The following TIAM2 variants were observed in gnomAD, a reference collection of about 807,000 sequenced individuals.
The protein encoded by TIAM2 is rho guanine nucleotide exchange factor TIAM2.
Under a neutral mutation model 152.9 loss-of-function variants are expected in TIAM2, and 80 were observed. The observed-to-expected ratio is 0.52, with a 90% CI of 0.44 to 0.63. TIAM2 has a LOEUF of 0.63. Among genes scored for constraint, TIAM2 ranks in the 30% least tolerant of loss-of-function variants. TIAM2 has a pLI of 0.00. For missense variants in TIAM2, 1,965 were observed against 2,120.1 expected, an observed-to-expected ratio of 0.93 and a Z score of 1.44; for synonymous variants, 804 against 838.0, an observed-to-expected ratio of 0.96 and a Z score of 0.70.
intron 1 of TIAM2, among the ~76,000 whole-genome samples, chr6:155,063,141 A>G (rs1208317790): frequency 6.6e-6 from 1 of 152,224 alleles, no homozygotes; most frequent in Non-Finnish European, 1.5e-5. Flanking sequence ...TTAAGAAAAT[A>G]ACTGGTTCAG....
In TIAM2 at chr6:155,062,581, C is replaced by CTTTTT. The variant is rs151244455; in HGVS notation, c.-208-27704_-208-27703insTTTTT. Among the ~76,000 whole-genome samples, 3 of 143,264 alleles carry CTTTTT rather than the reference C, an allele frequency of 2.1e-5. 1 individual carries two copies. 94.0% of individuals were successfully genotyped at this position (143,264 alleles called of 152,430 possible). ...GGTTTCTTTTTTTTCTTTTCTTTTT[C>CTTTTT]TTTTCTTTTTTTTTGAGACGGAGTC... On this transcript the variant is annotated intron_variant, in intron 1 of 26. Coordinates refer to ENST00000682666, the MANE Select transcript of TIAM2 (RefSeq NM_012454.4).
At chr6:155,144,585 T>G in intron 5 of TIAM2, 21 bp from the exon 6 acceptor site, 5 of 1,495,850 alleles carry the variant, frequency 3.3e-6, no homozygotes, top group Non-Finnish European at 4.4e-6. Flanking sequence ...CGGGATGTTA[T>G]TTTGCTTCTC....
chr6:155,207,468 G>A (rs948887764), intron 14 of TIAM2, among the ~76,000 whole-genome samples: 1 of 152,212 alleles, frequency 6.6e-6, no homozygotes, highest in African/African-American at 2.4e-5. Flanking sequence ...ATGCACAGAT[G>A]CATTCCACCT....
At chr6:155,032,163 A>G (rs1037093511) in intron 1 of TIAM2, among the ~76,000 whole-genome samples, 10 of 151,972 alleles carry the variant, frequency 6.6e-5, no homozygotes, top group Non-Finnish European at 1.5e-5. Flanking sequence ...GCCACTTGCC[A>G]AAATGTTCTC....
chr6:155,143,115 C>G (rs947736423), intron 5 of TIAM2, among the ~76,000 whole-genome samples: 1 of 152,128 alleles, frequency 6.6e-6, no homozygotes, highest in Non-Finnish European at 1.5e-5. Flanking sequence ...AAGGCACTTG[C>G]GAAGCACCCA....
intron 1 of TIAM2, among the ~76,000 whole-genome samples, chr6:155,003,694 C>G (rs1006774747): frequency 3.3e-5 from 5 of 152,202 alleles, no homozygotes; most frequent in African/African-American, 1.2e-4. Context: ...ATCTCTCCCC[C>G]TCTAGCCAGG....
intron 2 of TIAM2, among the ~76,000 whole-genome samples, chr6:155,123,946 A>G (rs1779232701): frequency 6.6e-6 from 1 of 152,224 alleles, no homozygotes; most frequent in Non-Finnish European, 1.5e-5. Context: ...TCAGTTAAAA[A>G]ATGAAAGGGT....
intron 1 of TIAM2, among the ~76,000 whole-genome samples, chr6:155,049,980 T>C (rs1301808290): frequency 1.3e-5 from 2 of 152,168 alleles, no homozygotes; most frequent in Non-Finnish European, 2.9e-5. Flanking sequence ...AAGTTGAGAG[T>C]ACAAATATTT....
At chr6:155,032,389 A>G (rs993664693) in intron 1 of TIAM2, among the ~76,000 whole-genome samples, 4 of 152,174 alleles carry the variant, frequency 2.6e-5, no homozygotes, top group Admixed American at 1.3e-4. Flanking sequence ...CATGCGTGGC[A>G]TTAATCACTA....
intron 1 of TIAM2, among the ~76,000 whole-genome samples, chr6:155,029,582 A>ACTATTATATAT (rs1468520935): frequency 1.2e-5 from 1 of 86,570 alleles, no homozygotes; most frequent in Non-Finnish European, 2.2e-5. Context: ...TAGTATATAT[A>ACTATTATATAT]ACTATATAGT....
chr6:155,128,936 C>T (rs1168288238), intron 3 of TIAM2, among the ~76,000 whole-genome samples: 2 of 152,094 alleles, frequency 1.3e-5, no homozygotes, highest in African/African-American at 4.8e-5. Flanking sequence ...TTCTCATAAG[C>T]TGATTTTTAT....
At chr6:155,056,051 C>A (rs1343663501) in intron 1 of TIAM2, among the ~76,000 whole-genome samples, 3 of 151,384 alleles carry the variant, frequency 2.0e-5, no homozygotes, top group African/African-American at 7.3e-5. Context: ...CAGGGTGTTT[C>A]TACTTTACAA....
At chr6:155,144,929 C>A in intron 6 of TIAM2, 151 bp downstream of exon 6, 1 of 843,358 alleles carries the variant, frequency 1.2e-6, no homozygotes, top group Non-Finnish European at 1.8e-6. Context: ...CTTCCGCTGA[C>A]TGCCAAGGGC....
intron 3 of TIAM2, among the ~76,000 whole-genome samples, chr6:155,128,743 A>G (rs1400398170): frequency 2.6e-5 from 4 of 151,304 alleles, no homozygotes; most frequent in Non-Finnish European, 5.9e-5. Context: ...GCACGTGCCT[A>G]TAGTCCCAGC....
intron 14 of TIAM2, among the ~76,000 whole-genome samples, chr6:155,199,028 C>CT: frequency 6.6e-6 from 1 of 152,026 alleles, no homozygotes; most frequent in South Asian, 2.1e-4. Context: ...AATTTGCCAG[C>CT]TAAACCAAAA....
rs56341806 is a variant in TIAM2 at position 155,174,710 on chromosome 6, C to G, written c.2362-2106C>G. ...CTCTGATTGTCAGTAACGGTGAGAA[C>G]AAGAGGGTGTGAAGGCACAGTGTTA... is the stretch of plus-strand genomic sequence containing the variant. On this transcript the variant is annotated intron_variant, in intron 9 of 26. Transcript: ENST00000682666. This position sits in a 1 kb window ranked among gnomAD's most constrained non-coding sequence, Gnocchi z 4.2. Among the ~76,000 whole-genome samples, 1,838 of 152,286 alleles carry G rather than the reference C, an allele frequency of 0.012. 18 individuals carry two copies. Among genetic ancestry groups the G allele is most frequent in the Non-Finnish European group, 0.021 (1,426 of 68,020 alleles).
At chr6:155,060,974 A>G (rs750563490) in intron 1 of TIAM2, among the ~76,000 whole-genome samples, 2 of 152,200 alleles carry the variant, frequency 1.3e-5, no homozygotes, top group African/African-American at 2.4e-5. Context: ...TCCTGGTACT[A>G]CAGGTACCTG....
Position 155,112,009 on chromosome 6 carries a change from T to G in TIAM2, c.-117-15481T>G, listed in dbSNP as rs571583767. 9.2e-5 allele frequency among the ~76,000 whole-genome samples: 14 copies of G among 152,312 alleles called. No homozygotes were observed. The East Asian group carries it at 2.7e-3, about 29-fold the overall frequency. On this transcript the variant is annotated intron_variant, in intron 2 of 26. Transcript: ENST00000682666. Reference sequence around the variant, plus strand: ...ATAATGCCAGATCTACTAAATGCACTGCTTGTTCTAGGTTTTTGTTATTTG... The same window carrying G: ...ATAATGCCAGATCTACTAAATGCACGGCTTGTTCTAGGTTTTTGTTATTTG...
intron 14 of TIAM2, among the ~76,000 whole-genome samples, chr6:155,190,313 A>G (rs1279645983): frequency 1.3e-5 from 2 of 152,228 alleles, no homozygotes; most frequent in African/African-American, 4.8e-5. Context: ...CCCTTATAAA[A>G]TAAATATTCA....
Sources: allele counts gnomAD v4.1 joint callset (sites outside exome capture counted in the v4.1 genomes callset), GRCh38; gene constraint gnomAD v4.1.1; non-coding constraint Gnocchi (gnomAD v3.1); transcripts MANE v1.5; gene names NCBI Gene and HGNC (gene_info 2026-07-23, HGNC 2026-07-21).